The following PTPRD variants were observed in gnomAD, a reference collection of about 807,000 sequenced individuals.
PTPRD encodes protein tyrosine phosphatase receptor type D.
Under a neutral mutation model 214.5 loss-of-function variants are expected in PTPRD, and 34 were observed. That is an observed-to-expected ratio of 0.16 (90% CI 0.12 to 0.21). PTPRD has a LOEUF of 0.21. PTPRD is among the 10% of genes least tolerant of loss of function. The pLI, the probability that PTPRD is intolerant of heterozygous loss-of-function variation, is 1.00. For synonymous variants in PTPRD, 1,128 were observed against 845.7 expected (o/e 1.33, Z -5.79); for missense variants, 2,545 against 2,398.7 (o/e 1.06, Z -1.27).
At chr9:9,616,428 T>A (rs1049910427) in intron 7 of PTPRD, among the ~76,000 whole-genome samples, 2 of 152,184 alleles carry the variant, frequency 1.3e-5, no homozygotes, top group Non-Finnish European at 2.9e-5. Context: ...AATAAGACAA[T>A]GCATCTAGGA....
intron 37 of PTPRD, among the ~76,000 whole-genome samples, chr9:8,382,967 G>A (rs2085644833): frequency 6.6e-6 from 1 of 152,114 alleles, no homozygotes. Flanking sequence ...TAAACTTACC[G>A]AACCTTGACA....
intron 14 of PTPRD, among the ~76,000 whole-genome samples, chr9:8,549,212 C>A (rs1370577807): frequency 1.3e-5 from 2 of 152,118 alleles, no homozygotes; most frequent in Non-Finnish European, 2.9e-5. Flanking sequence ...TAGACGCATA[C>A]TGGAGAAACA....
At chr9:9,023,941 T>G (rs1355331230) in intron 10 of PTPRD, among the ~76,000 whole-genome samples, 1 of 152,076 alleles carries the variant, frequency 6.6e-6, no homozygotes, top group Admixed American at 6.6e-5. Context: ...TCGGTTAAGA[T>G]TAAGTCATTA....
chr9:10,418,896 AGT>A (rs930059794), intron 2 of PTPRD, among the ~76,000 whole-genome samples: 1 of 151,880 alleles, frequency 6.6e-6, no homozygotes, highest in African/African-American at 2.4e-5. Context: ...ATTTCACTAC[AGT>A]ATCAAGGAAA....
intron 10 of PTPRD, among the ~76,000 whole-genome samples, chr9:9,140,705 A>G (rs1184554995): frequency 6.6e-6 from 1 of 152,176 alleles, no homozygotes; most frequent in African/African-American, 2.4e-5. Flanking sequence ...CAGCCTCCTA[A>G]GTAGCTGGGA....
At chr9:9,804,162 T>C (rs1290474627) in intron 5 of PTPRD, among the ~76,000 whole-genome samples, 1 of 152,134 alleles carries the variant, frequency 6.6e-6, no homozygotes, top group Non-Finnish European at 1.5e-5. Context: ...CTGCTATGTA[T>C]ACCCAGTCTC....
At chr9:10,260,396 C>T (rs185635232) in intron 3 of PTPRD, among the ~76,000 whole-genome samples, 1 of 152,252 alleles carries the variant, frequency 6.6e-6, no homozygotes, top group Non-Finnish European at 1.5e-5. Flanking sequence ...CTTTTGTGTA[C>T]TCCAGGTCTC....
At chr9:8,823,552 A>G (rs2097114627) in intron 11 of PTPRD, among the ~76,000 whole-genome samples, 1 of 152,040 alleles carries the variant, frequency 6.6e-6, no homozygotes, top group Non-Finnish European at 1.5e-5. Context: ...TCGAGAGGCT[A>G]AGGCGGGAAG....
intron 9 of PTPRD, among the ~76,000 whole-genome samples, chr9:9,185,087 C>A (rs931735419): frequency 6.6e-6 from 1 of 152,020 alleles, no homozygotes; most frequent in Non-Finnish European, 1.5e-5. Context: ...AAGTAATGGG[C>A]TTGGAAGCTC....
rs368216327 is a variant in PTPRD, at chr9:9,293,876, T to C, written c.-203+103573A>G. On this transcript the variant is annotated intron_variant, in intron 9 of 45. Transcript: ENST00000381196. Reference sequence around the variant, plus strand: ...TTTTTCTTCTTTGCAATTTCACAGATAAAAGATCTTAGCAACCTCAGCATT... The same window carrying C: ...TTTTTCTTCTTTGCAATTTCACAGACAAAAGATCTTAGCAACCTCAGCATT... 1.1e-4 allele frequency among the ~76,000 whole-genome samples: 16 copies of C among 151,560 alleles called. No homozygotes were observed. The Admixed American group carries it at 1.1e-3, about 10-fold the overall frequency.
At chr9:8,318,073 G>T (rs912716231) in intron 45 of PTPRD, 131 bp from the exon 46 acceptor site, 15 of 753,892 alleles carry the variant, frequency 2.0e-5, no homozygotes, top group Non-Finnish European at 3.0e-5. Context: ...TCGTCAACTG[G>T]TCTAATCCAA....
chr9:10,138,433 A>T (rs1459324124), intron 3 of PTPRD, among the ~76,000 whole-genome samples: 2 of 152,008 alleles, frequency 1.3e-5, no homozygotes, highest in Non-Finnish European at 2.9e-5. Flanking sequence ...ACAAACAAAC[A>T]AACAAAAAAC....
intron 33 of PTPRD, among the ~76,000 whole-genome samples, chr9:8,453,511 C>T (rs1299551352): frequency 6.6e-6 from 1 of 152,098 alleles, no homozygotes; most frequent in African/African-American, 2.4e-5. Context: ...TGTCTTTTGG[C>T]TGAAAAAACA....
chr9:9,897,106 T>G lies in PTPRD; in HGVS notation c.-368+41401A>C, dbSNP rs148036146. On this transcript the variant is annotated intron_variant, in intron 5 of 45. Transcript: ENST00000381196. ...CTGGGAAGTAAACACTTCCCTGTCA[T>G]TAAAACAAAAACATCTCTTACACTT... 5.5e-3 allele frequency among the ~76,000 whole-genome samples: 761 copies of G among 138,704 alleles called. 3 individuals are homozygous for G. The highest frequency in any genetic ancestry group is 0.019 in the African/African-American group (702 of 37,330). The allele number at this position is 138,704 out of a possible 152,430, so 91.0% of individuals were successfully genotyped here.
chr9:9,563,262 G>C (rs1487341389), intron 8 of PTPRD, among the ~76,000 whole-genome samples: 1 of 152,234 alleles, frequency 6.6e-6, no homozygotes, highest in South Asian at 2.1e-4. Flanking sequence ...CCATGGCTTA[G>C]GTGCGCTGTG....
intron 12 of PTPRD, among the ~76,000 whole-genome samples, chr9:8,718,415 G>A (rs1271016633): frequency 6.6e-6 from 1 of 152,128 alleles, no homozygotes; most frequent in Non-Finnish European, 1.5e-5. Context: ...TGAAAAAGAA[G>A]TATGTGTTGT....
chr9:9,516,164 A>G (rs1317497521), intron 8 of PTPRD, among the ~76,000 whole-genome samples: 3 of 152,130 alleles, frequency 2.0e-5, no homozygotes, highest in African/African-American at 4.8e-5. Context: ...ACTGGATCTT[A>G]TTTTGTTTAT....
At chr9:8,426,644 A>G (rs2094694928) in intron 35 of PTPRD, among the ~76,000 whole-genome samples, 1 of 152,142 alleles carries the variant, frequency 6.6e-6, no homozygotes, top group African/African-American at 2.4e-5. Context: ...CTGAGAAAAA[A>G]TGAAAGTTGA....
intron 2 of PTPRD, among the ~76,000 whole-genome samples, chr9:10,479,216 A>G (rs2099081475): frequency 6.6e-6 from 1 of 152,296 alleles, no homozygotes; most frequent in East Asian, 1.9e-4. Flanking sequence ...ATTCTGTTAC[A>G]TGATATTCCA....
Sources: gnomAD v4.1 joint callset for allele counts (sites outside exome capture counted in the v4.1 genomes callset) on GRCh38, gnomAD v4.1.1 for gene constraint, MANE v1.5 for transcripts, NCBI Gene and HGNC (gene_info 2026-07-23, HGNC 2026-07-21) for gene names.